Variants in KCNT2 observed in about 807,000 individuals in gnomAD.
KCNT2 encodes potassium sodium-activated channel subfamily T member 2.
Under a neutral mutation model 153.8 loss-of-function variants are expected in KCNT2, and 67 were observed. The observed-to-expected ratio is 0.44, with a 90% confidence interval of 0.36 to 0.53. The LOEUF is 0.53. Among genes scored for constraint, KCNT2 ranks in the 20% least tolerant of loss-of-function variants. The probability of loss-of-function intolerance (pLI) is 0.00; values close to 1 mark genes in which losing one functional copy is unlikely to be tolerated. For missense variants in KCNT2, 975 were observed against 1,354.8 expected, an observed-to-expected ratio of 0.72 and a Z score of 4.40; for synonymous variants, 500 against 458.8, an observed-to-expected ratio of 1.09 and a Z score of -1.15.
intron 26 of KCNT2, among the ~76,000 whole-genome samples, chr1:196,253,881 C>G (rs1304537905): frequency 1.3e-5 from 2 of 151,410 alleles, no homozygotes; most frequent in African/African-American, 4.8e-5. Flanking sequence ...TTCAAATTGG[C>G]CTCTTTTTTC....
chr1:196,370,929 A>C (rs906481994), intron 14 of KCNT2, among the ~76,000 whole-genome samples: 1 of 152,076 alleles, frequency 6.6e-6, no homozygotes, highest in African/African-American at 2.4e-5. Context: ...CATTATGTAC[A>C]ATGTTCAACA....
chr1:196,448,361 A>T (rs1041321347), intron 8 of KCNT2, among the ~76,000 whole-genome samples: 1 of 151,688 alleles, frequency 6.6e-6, no homozygotes, highest in African/African-American at 2.4e-5. Context: ...TATAAAAAAT[A>T]TATTGTATTA....
At chr1:196,608,116 T>A in intron 1 of KCNT2, 99 bp downstream of exon 1, 1 of 1,036,422 alleles carries the variant, frequency 9.6e-7, no homozygotes. Flanking sequence ...CCTCTCTGGC[T>A]CCGTTTTCCT....
chr1:196,401,369 C>A (rs983443761), intron 12 of KCNT2, among the ~76,000 whole-genome samples: 8 of 151,558 alleles, frequency 5.3e-5, no homozygotes, highest in African/African-American at 1.9e-4. Flanking sequence ...AAATGATAAC[C>A]AATAGATGGT....
chr1:196,387,902 G>C (rs1216833551), intron 13 of KCNT2, among the ~76,000 whole-genome samples: 1 of 148,052 alleles, frequency 6.8e-6, no homozygotes, highest in Non-Finnish European at 1.5e-5. Flanking sequence ...AGAGTGGAAG[G>C]TTTAATTTTG....
At chr1:196,455,004 AC>A (rs1427135018) in intron 8 of KCNT2, among the ~76,000 whole-genome samples, 1 of 151,912 alleles carries the variant, frequency 6.6e-6, no homozygotes, top group Non-Finnish European at 1.5e-5. Flanking sequence ...CTGGCTCTTG[AC>A]CAGGAGTCAA....
chr1:196,601,238 C>A (rs568328527), intron 1 of KCNT2, among the ~76,000 whole-genome samples: 1 of 152,328 alleles, frequency 6.6e-6, no homozygotes, highest in African/African-American at 2.4e-5. Context: ...ACACAGATTT[C>A]TTTGAAAACT....
intron 1 of KCNT2, among the ~76,000 whole-genome samples, chr1:196,520,338 C>A (rs1653191500): frequency 6.6e-6 from 1 of 152,024 alleles, no homozygotes; most frequent in South Asian, 2.1e-4. Flanking sequence ...GACAAGCTCA[C>A]AGCCAATATC....
chr1:196,275,767 T>C (rs1293051857), intron 25 of KCNT2, among the ~76,000 whole-genome samples: 1 of 152,008 alleles, frequency 6.6e-6, no homozygotes, highest in African/African-American at 2.4e-5. Flanking sequence ...TATCCTTATG[T>C]AAAAAGCTGA....
In KCNT2 at chr1:196,423,058, T is replaced by G; in HGVS notation, c.1177A>C (p.Thr393Pro). 1 of 1,594,046 alleles carries G rather than the reference T, an allele frequency of 6.3e-7. No individual in the cohort carries two copies. The highest frequency in any genetic ancestry group is 8.6e-7 in the Non-Finnish European group (1 of 1,166,560). Residue 393 changes from threonine (T) to proline (P), a missense_variant, in exon 12 of 28, where the codon ACA (threonine) becomes CCA (proline). Physicochemically the swap from Thr to Pro is conservative, Grantham distance 38 (BLOSUM62 -1). Coordinates refer to ENST00000294725, the MANE Select transcript of KCNT2 (RefSeq NM_198503.5). ...ILSSRCEVDR[T>P]SSDHQTILRA... ...AGATTTTAGAAACTTACAGATGATG[T>G]CCTATCCACTTCACAACGGCTACTG...
chr1:196,281,109 C>T (rs1350546791), intron 24 of KCNT2, 121 bp from the exon 25 acceptor site: 1 of 723,720 alleles, frequency 1.4e-6, no homozygotes, highest in Non-Finnish European at 2.3e-6. Context: ...GTCACCCAGG[C>T]TACAGTGCAA....
intron 14 of KCNT2, among the ~76,000 whole-genome samples, chr1:196,347,511 G>C (rs896187487): frequency 1.4e-4 from 21 of 152,172 alleles, no homozygotes; most frequent in African/African-American, 4.3e-4. Flanking sequence ...TCACTTCCTT[G>C]TTTCCAGTGA....
chr1:196,465,983 A>C (rs531772934), intron 7 of KCNT2, among the ~76,000 whole-genome samples: 1 of 152,214 alleles, frequency 6.6e-6, no homozygotes, highest in Non-Finnish European at 1.5e-5. Context: ...TATGAAGACA[A>C]ATAACTAAGT....
intron 20 of KCNT2, among the ~76,000 whole-genome samples, chr1:196,318,391 G>C (rs1662946445): frequency 6.6e-6 from 1 of 151,674 alleles, no homozygotes; most frequent in Non-Finnish European, 1.5e-5. Flanking sequence ...TTTTATTTCT[G>C]TCCCTAGGAA....
chr1:196,364,729 A>G (rs920913728), intron 14 of KCNT2, among the ~76,000 whole-genome samples: 1 of 152,122 alleles, frequency 6.6e-6, no homozygotes, highest in Non-Finnish European at 1.5e-5. Flanking sequence ...AAAGATACCA[A>G]TTACTTTGAA....
intron 5 of KCNT2, among the ~76,000 whole-genome samples, chr1:196,478,174 T>C (rs1678701208): frequency 6.6e-6 from 1 of 152,216 alleles, no homozygotes; most frequent in East Asian, 1.9e-4. Context: ...TTGATTTCTT[T>C]AGCTTCTACC....
intron 1 of KCNT2, among the ~76,000 whole-genome samples, chr1:196,552,995 A>T: frequency 6.6e-6 from 1 of 151,232 alleles, no homozygotes; most frequent in East Asian, 1.9e-4. Context: ...AAAGACAGGA[A>T]AAGAGAAGAA....
chr1:196,284,193 C>T lies in KCNT2; in HGVS notation c.2697+1464G>A, dbSNP rs551655070. 2.4e-5 allele frequency among the ~76,000 whole-genome samples: 3 copies of T among 126,402 alleles called. No homozygotes were observed. In the South Asian group the frequency reaches 8.3e-4, roughly 35 times the overall value. 82.9% of individuals were successfully genotyped at this position (126,402 alleles called of 152,430 possible). A position where few individuals can be genotyped will look rare whatever the true frequency, so the allele number is the denominator to read the frequency against. On this transcript the variant is annotated intron_variant, in intron 23 of 27. Coordinates refer to ENST00000294725, the MANE Select transcript of KCNT2 (RefSeq NM_198503.5). ...TTGCAGTGAGCCGAGATCGCACCACCGCCCTCTAGACTGGGCGACAGAGCA... is the reference window on the plus strand; with the variant it reads ...TTGCAGTGAGCCGAGATCGCACCACTGCCCTCTAGACTGGGCGACAGAGCA...
At chr1:196,288,295 G>T (rs575774464) in intron 22 of KCNT2, among the ~76,000 whole-genome samples, 2 of 151,938 alleles carry the variant, frequency 1.3e-5, no homozygotes, top group East Asian at 3.9e-4. Flanking sequence ...TATGTTTTAA[G>T]GTAATGGGGA....
Sources: allele counts gnomAD v4.1 joint callset (sites outside exome capture counted in the v4.1 genomes callset), GRCh38; gene constraint gnomAD v4.1.1; transcripts MANE v1.5; gene names NCBI Gene and HGNC (gene_info 2026-07-23, HGNC 2026-07-21).